The following SPTLC1 variants were observed in gnomAD, a reference collection of about 807,000 sequenced individuals.
SPTLC1 encodes serine palmitoyltransferase long chain base subunit 1.
In SPTLC1, 55 loss-of-function variants were observed where a neutral mutation model predicts 68.9. The observed-to-expected ratio is 0.80, with a 90% CI of 0.64 to 1.00. The LOEUF (loss-of-function observed/expected upper bound fraction) is 1.00, where lower values mean the gene tolerates loss of function less well. Among genes scored for constraint, SPTLC1 ranks in the 50% least tolerant of loss-of-function variants. The pLI is 0.00. For synonymous variants in SPTLC1, 197 were observed against 201.6 expected (o/e 0.98, Z 0.19); for missense variants, 449 against 573.1 (o/e 0.78, Z 2.21).
intron 3 of SPTLC1, among the ~76,000 whole-genome samples, chr9:92,094,231 G>A (rs766388061): frequency 1.3e-5 from 2 of 152,218 alleles, no homozygotes; most frequent in Non-Finnish European, 2.9e-5. Flanking sequence ...ACAGACGGGT[G>A]ATAGAGAAGA....
At chr9:92,079,128 T>C (rs768207894) in intron 5 of SPTLC1, 1 of 538,538 alleles carries the variant, frequency 1.9e-6, no homozygotes, top group African/African-American at 2.0e-5. Context: ...CAGGCTGGAG[T>C]GCAGTGGCAT....
intron 3 of SPTLC1, among the ~76,000 whole-genome samples, chr9:92,100,703 A>G (rs538544534): frequency 1.2e-4 from 18 of 152,178 alleles, no homozygotes; most frequent in South Asian, 1.0e-3. Flanking sequence ...GTCACTAGAT[A>G]GGCATGCAGC....
chr9:92,066,287 A>T (rs1834281681), intron 6 of SPTLC1, among the ~76,000 whole-genome samples: 1 of 152,196 alleles, frequency 6.6e-6, no homozygotes, highest in Non-Finnish European at 1.5e-5. Flanking sequence ...TGACCTTGAC[A>T]GGCAGTTTGA....
At chr9:92,100,045 G>T (rs1214067774) in intron 3 of SPTLC1, among the ~76,000 whole-genome samples, 1 of 150,864 alleles carries the variant, frequency 6.6e-6, no homozygotes, top group Non-Finnish European at 1.5e-5. Context: ...AGTGACGCAT[G>T]ACTGTAAGGA....
chr9:92,038,003 AAT>A (rs1394888358), intron 13 of SPTLC1, among the ~76,000 whole-genome samples: 1 of 152,196 alleles, frequency 6.6e-6, no homozygotes, highest in East Asian at 1.9e-4. Context: ...TACAAAACAC[AAT>A]ATCTTTGGAG....
chr9:92,052,372 C>T (rs964213216), intron 8 of SPTLC1, among the ~76,000 whole-genome samples: 5 of 152,092 alleles, frequency 3.3e-5, no homozygotes, highest in African/African-American at 1.2e-4. Context: ...ACTGGATAAC[C>T]ACTTGTGAAA....
chr9:92,035,724 TA>T (rs779524081), intron 13 of SPTLC1, among the ~76,000 whole-genome samples: 3 of 152,124 alleles, frequency 2.0e-5, no homozygotes, highest in Non-Finnish European at 4.4e-5. Flanking sequence ...AAAGAACAAT[TA>T]TTCCATGTCT....
chr9:92,064,865 A>ATATTTTAG (rs1834227236), intron 6 of SPTLC1, among the ~76,000 whole-genome samples: 1 of 152,266 alleles, frequency 6.6e-6, no homozygotes, highest in African/African-American at 2.4e-5. Context: ...AGTGTTGCCT[A>ATATTTTAG]CTGGATGATT....
At chr9:92,084,474 C>T (rs1835030437) in intron 3 of SPTLC1, among the ~76,000 whole-genome samples, 2 of 152,146 alleles carry the variant, frequency 1.3e-5, no homozygotes, top group African/African-American at 2.4e-5. Context: ...TTGTCAAAGG[C>T]CTTTTCTGCA....
At chr9:92,033,409 C>T (rs1833038906) in intron 14 of SPTLC1, among the ~76,000 whole-genome samples, 1 of 152,226 alleles carries the variant, frequency 6.6e-6, no homozygotes. Context: ...CCCCAGAGTT[C>T]ATCTGTAAAC....
rs949043148 is a variant in SPTLC1 at position 92,033,640 on chromosome 9, T to G, written c.1329-1082A>C. 2.0e-5 allele frequency among the ~76,000 whole-genome samples: 3 copies of G among 152,138 alleles called. No individual in the cohort carries two copies. In the East Asian group the frequency reaches 5.8e-4, roughly 29 times the overall value. ...GAGTGATCTCAGCTCACTGCAGCCT[T>G]GACCTCCTGGAACCAGGTGATTTTC... On this transcript the variant is annotated intron_variant, in intron 14 of 14. Transcript: ENST00000262554.
At chr9:92,083,808 T>C (rs937142048) in intron 3 of SPTLC1, among the ~76,000 whole-genome samples, 237 of 152,322 alleles carry the variant, frequency 1.6e-3, no homozygotes, top group African/African-American at 5.2e-3. Context: ...GGGGATGGCA[T>C]TGAATCTATA....
chr9:92,076,785 G>A (rs935350063), intron 5 of SPTLC1: 1 of 152,132 alleles, frequency 6.6e-6, no homozygotes, highest in Non-Finnish European at 1.5e-5. Flanking sequence ...CCCGTGTCTG[G>A]AAACTCAAAT....
chr9:92,041,163 G>A (rs942868692), intron 12 of SPTLC1, among the ~76,000 whole-genome samples: 2 of 152,082 alleles, frequency 1.3e-5, no homozygotes, highest in African/African-American at 4.8e-5. Flanking sequence ...TGAAAACAGA[G>A]GCAAACCAGC....
At chr9:92,092,695 A>T (rs900096071) in intron 3 of SPTLC1, among the ~76,000 whole-genome samples, 2 of 152,172 alleles carry the variant, frequency 1.3e-5, no homozygotes, top group African/African-American at 4.8e-5. Context: ...AGATTGCGCC[A>T]CTGCACTCCA....
rs1025368532 is a variant in SPTLC1 at position 92,040,542 on chromosome 9, G to A, written c.1137-2177C>T. ...GGGATGCCAAGGTTGGGGGGATCACGAGGTCAGGAGTTCAAGACCAGCCTG... is the reference window on the plus strand; with the variant it reads ...GGGATGCCAAGGTTGGGGGGATCACAAGGTCAGGAGTTCAAGACCAGCCTG... On this transcript the variant is annotated intron_variant, in intron 12 of 14. Transcript: ENST00000262554. Among the ~76,000 whole-genome samples, 18 of 151,934 alleles carry A rather than the reference G, an allele frequency of 1.2e-4. 1 individual carries two copies. The highest frequency in any genetic ancestry group is 2.1e-4 in the South Asian group (1 of 4,824).
At chr9:92,104,971 A>T (rs538062380) in intron 3 of SPTLC1, 4 of 1,533,350 alleles carry the variant, frequency 2.6e-6, no homozygotes, top group Non-Finnish European at 3.5e-6. Context: ...AGCCTGACCC[A>T]CTTCCAACAG....
Position 92,059,154 on chromosome 9 carries a change from A to G in SPTLC1, c.690+25T>C, listed in dbSNP as rs919158841. The G allele has an allele frequency of 2.5e-6, 4 of 1,610,476 alleles. No homozygotes were observed. The South Asian group carries it at 3.3e-5, about 13-fold the overall frequency. On this transcript the variant is annotated intron_variant, in intron 7 of 14. Transcript: ENST00000262554. ...TGGTTAGAAAGTACAAAAGAACTGT[A>G]TAATTTTCTTCAAAAGAATCATACC...
chr9:92,046,629 A>G (rs1359563283), intron 11 of SPTLC1, among the ~76,000 whole-genome samples: 1 of 152,176 alleles, frequency 6.6e-6, no homozygotes, highest in African/African-American at 2.4e-5. Context: ...TTCCGTTTTA[A>G]GCTTTGCAAA....
Sources: allele counts gnomAD v4.1 joint callset (sites outside exome capture counted in the v4.1 genomes callset), GRCh38; gene constraint gnomAD v4.1.1; transcripts MANE v1.5; gene names NCBI Gene and HGNC (gene_info 2026-07-23, HGNC 2026-07-21).